Variants in ANKRD27 observed in about 807,000 individuals in gnomAD.
ANKRD27 encodes ankyrin repeat domain 27.
A neutral mutation model predicts 129.7 loss-of-function variants in ANKRD27; 112 were observed. The observed-to-expected ratio is 0.86, with a 90% confidence interval of 0.74 to 1.01. The LOEUF is 1.01. ANKRD27 is among the 50% of genes least tolerant of loss of function. The probability of loss-of-function intolerance (pLI) is 0.00; values close to 1 mark genes in which losing one functional copy is unlikely to be tolerated. For missense variants in ANKRD27, 1,258 were observed against 1,300.5 expected, an observed-to-expected ratio of 0.97 and a Z score of 0.50; for synonymous variants, 516 against 511.2, an observed-to-expected ratio of 1.01 and a Z score of -0.13.
At chr19:32,622,075 C>T (rs1293245766) in intron 18 of ANKRD27, among the ~76,000 whole-genome samples, 1 of 152,084 alleles carries the variant, frequency 6.6e-6, no homozygotes, top group African/African-American at 2.4e-5. Flanking sequence ...GGTGAAGCAC[C>T]GGGAAAAAAG....
chr19:32,612,111 T>C (rs1971844131), intron 22 of ANKRD27, among the ~76,000 whole-genome samples: 2 of 152,150 alleles, frequency 1.3e-5, no homozygotes, highest in Admixed American at 6.6e-5. Context: ...ATGTATGCAA[T>C]ACCATTTACA....
At chr19:32,642,359 A>C (rs1445405078) in intron 9 of ANKRD27, among the ~76,000 whole-genome samples, 1 of 147,780 alleles carries the variant, frequency 6.8e-6, no homozygotes, top group Non-Finnish European at 1.5e-5. Context: ...GAGTTGTACA[A>C]GAAAAGCTGA....
intron 22 of ANKRD27, 115 bp from the exon 23 acceptor site, chr19:32,607,947 G>C: frequency 9.5e-7 from 1 of 1,057,232 alleles, no homozygotes. Flanking sequence ...GATCATGGCG[G>C]GATCCAGGAT....
At chr19:32,634,426 C>T (rs909081547) in intron 12 of ANKRD27, among the ~76,000 whole-genome samples, 2 of 152,204 alleles carry the variant, frequency 1.3e-5, no homozygotes, top group African/African-American at 4.8e-5. Flanking sequence ...ATGATGCATA[C>T]CTGTCTCAAG....
intron 12 of ANKRD27, chr19:32,638,257 A>G (rs1386393842): frequency 6.6e-6 from 1 of 152,324 alleles, no homozygotes; most frequent in African/African-American, 2.4e-5. Flanking sequence ...CCCCGGACTC[A>G]GCCAGACTCA....
chr19:32,648,287 G>T (rs1967341395), intron 3 of ANKRD27, among the ~76,000 whole-genome samples: 1 of 151,880 alleles, frequency 6.6e-6, no homozygotes, highest in Admixed American at 6.6e-5. Flanking sequence ...AAAATGTAGT[G>T]TGTGATTCTA....
rs1291594043 is a variant in ANKRD27, at chr19:32,597,607, CTT to C, written c.*536_*537del. On this transcript the variant is annotated 3_prime_UTR_variant, in exon 29 of 29. Transcript: ENST00000306065. ...GAATATCAAAATGGGATTGAGGCAT[CTT>C]TTGGTTCGAGTGTTGCTTTGCAAAG... is the stretch of plus-strand genomic sequence containing the variant. The C allele has an allele frequency of 6.3e-6, 1 of 159,266 alleles. No homozygotes were observed. The highest frequency in any genetic ancestry group is 2.4e-5 in the African/African-American group (1 of 41,408). 9.9% of individuals were successfully genotyped at this position (159,266 alleles called of 1,614,324 possible). A position where few individuals can be genotyped will look rare whatever the true frequency, so the allele number is the denominator to read the frequency against.
intron 1 of ANKRD27, among the ~76,000 whole-genome samples, chr19:32,670,188 G>A (rs573432492): frequency 6.6e-6 from 1 of 152,250 alleles, no homozygotes; most frequent in Admixed American, 6.5e-5. Flanking sequence ...CCCTTAACAA[G>A]CACTGCTGTG....
intron 4 of ANKRD27, 70 bp downstream of exon 4, chr19:32,646,389 T>G (rs891089816): frequency 6.0e-6 from 9 of 1,506,816 alleles, no homozygotes; most frequent in Non-Finnish European, 8.1e-6. Flanking sequence ...TTTCAACAGC[T>G]AAGTCAGGAA....
chr19:32,605,065 C>T (rs905512952), intron 24 of ANKRD27, among the ~76,000 whole-genome samples: 1 of 151,882 alleles, frequency 6.6e-6, no homozygotes, highest in Non-Finnish European at 1.5e-5. Context: ...GAGACTCCAT[C>T]TCGGAAAAAG....
chr19:32,643,009 GAACT>G lies in ANKRD27; in HGVS notation c.782+110_782+113del, dbSNP rs1048248056. On this transcript the variant is annotated intron_variant, in intron 9 of 28. Coordinates refer to ENST00000306065, the MANE Select transcript of ANKRD27 (RefSeq NM_032139.3). ...TTGCAAGTAACTGCGCTGCTCCTCA[GAACT>G]AACCACATCAAACCAGCGTGTCACC... is the stretch of plus-strand genomic sequence containing the variant. The G allele has an allele frequency of 2.8e-5, 29 of 1,040,842 alleles. No individual in the cohort carries two copies. The Admixed American group carries it at 5.9e-4, about 21-fold the overall frequency. 64.5% of individuals were successfully genotyped at this position (1,040,842 alleles called of 1,614,324 possible). A position where few individuals can be genotyped will look rare whatever the true frequency, so the allele number is the denominator to read the frequency against.
chr19:32,622,924 T>G (rs1972035823), intron 17 of ANKRD27, among the ~76,000 whole-genome samples: 1 of 151,614 alleles, frequency 6.6e-6, no homozygotes, highest in African/African-American at 2.4e-5. Context: ...ACTACAAGCA[T>G]GCACCACCAT....
Position 32,599,958 on chromosome 19 carries a change from A to C in ANKRD27, c.2846+14T>G. ...GGGCAAAAGCACAGAAATCAACTTG[A>C]GTTTCATACTCACTTAAACTGACCA... On this transcript the variant is annotated intron_variant, in intron 27 of 28. Coordinates refer to ENST00000306065, the MANE Select transcript of ANKRD27 (RefSeq NM_032139.3). 2 of 1,605,266 alleles carry C rather than the reference A, an allele frequency of 1.2e-6. No homozygotes were observed. The highest frequency in any genetic ancestry group is 1.1e-5 in the South Asian group (1 of 90,360).
chr19:32,661,687 G>T (rs1967648995), intron 1 of ANKRD27, among the ~76,000 whole-genome samples: 1 of 151,968 alleles, frequency 6.6e-6, no homozygotes, highest in African/African-American at 2.4e-5. Context: ...GTATACTTGG[G>T]GGATTGGTTC....
At chr19:32,629,592 C>T (rs1261579683) in intron 13 of ANKRD27, among the ~76,000 whole-genome samples, 3 of 151,954 alleles carry the variant, frequency 2.0e-5, no homozygotes, top group Non-Finnish European at 2.9e-5. Flanking sequence ...CCCAGCGACT[C>T]GGGAGGCTGA....
Position 32,602,195 on chromosome 19 carries a change from G to T in ANKRD27, c.2656-69C>A, listed in dbSNP as rs924859173. The stretch of plus-strand genomic sequence containing the variant: ...TTTTAATAGGTTATTATTTGTTTTT[G>T]ATCTAAATGTCAGTATTAGTGTGAC... On this transcript the variant is annotated intron_variant, in intron 25 of 28. Coordinates refer to ENST00000306065, the MANE Select transcript of ANKRD27 (RefSeq NM_032139.3). 1.1e-5 allele frequency: 11 copies of T among 1,017,840 alleles called. No homozygotes were observed. The East Asian group carries it at 2.2e-4, about 20-fold the overall frequency. The allele number at this position is 1,017,840 out of a possible 1,614,324, so 63.1% of individuals were successfully genotyped here. A position where few individuals can be genotyped will look rare whatever the true frequency, so the allele number is the denominator to read the frequency against.
intron 10 of ANKRD27, 76 bp from the exon 11 acceptor site, chr19:32,640,461 C>A (rs1047452873): frequency 8.0e-7 from 1 of 1,252,052 alleles, no homozygotes; most frequent in Non-Finnish European, 1.2e-6. Flanking sequence ...TCCCTACCAC[C>A]GCACACCTTG....
intron 22 of ANKRD27, among the ~76,000 whole-genome samples, chr19:32,615,116 T>G (rs1222102564): frequency 6.6e-6 from 1 of 152,130 alleles, no homozygotes; most frequent in Non-Finnish European, 1.5e-5. Flanking sequence ...GGGGCCCAGA[T>G]AGCAGCCAAA....
In ANKRD27 at chr19:32,604,247, G is replaced by C; in HGVS notation, c.2655+16C>G. The C allele has an allele frequency of 1.3e-6, 2 of 1,585,792 alleles. No individual in the cohort carries two copies. Among genetic ancestry groups the C allele is most frequent in the Non-Finnish European group, 1.7e-6 (2 of 1,159,236 alleles). On this transcript the variant is annotated intron_variant, in intron 25 of 28. Transcript: ENST00000306065. ...GAGCTCAGGATTCCCTCGGCTCTTCGACCCTCTCCACCTACCTGTTCAGCA... is the reference window on the plus strand; with the variant it reads ...GAGCTCAGGATTCCCTCGGCTCTTCCACCCTCTCCACCTACCTGTTCAGCA...
Sources: allele counts gnomAD v4.1 joint callset (sites outside exome capture counted in the v4.1 genomes callset), GRCh38; gene constraint gnomAD v4.1.1; transcripts MANE v1.5; gene names NCBI Gene and HGNC (gene_info 2026-07-23, HGNC 2026-07-21).